Variants in TMEM38A observed in about 807,000 individuals in gnomAD.
TMEM38A encodes transmembrane protein 38A.
In TMEM38A, 17 loss-of-function variants were observed where a neutral mutation model predicts 28.6. The ratio of observed to expected loss-of-function variants is 0.60; its 90% CI spans 0.41 to 0.89. The LOEUF is 0.89. Among genes scored for constraint, TMEM38A ranks in the 40% least tolerant of loss-of-function variants. TMEM38A has a pLI of 0.00. For missense variants in TMEM38A, 328 were observed against 393.1 expected, an observed-to-expected ratio of 0.83 and a Z score of 1.40; for synonymous variants, 169 against 166.1, an observed-to-expected ratio of 1.02 and a Z score of -0.14.
chr19:16,671,627 G>C (rs1193104846), intron 1 of TMEM38A, among the ~76,000 whole-genome samples: 1 of 151,784 alleles, frequency 6.6e-6, no homozygotes, highest in African/African-American at 2.4e-5. Context: ...ATGAGGTTTT[G>C]CCATGTTGCC....
At chr19:16,663,818 G>T (rs1186518046) in intron 1 of TMEM38A, among the ~76,000 whole-genome samples, 1 of 151,822 alleles carries the variant, frequency 6.6e-6, no homozygotes, top group Non-Finnish European at 1.5e-5. Context: ...TTACAGGTGT[G>T]AGCCACTGCG....
chr19:16,667,319 C>A (rs752493771), intron 1 of TMEM38A, among the ~76,000 whole-genome samples: 1 of 151,966 alleles, frequency 6.6e-6, no homozygotes, highest in Non-Finnish European at 1.5e-5. Flanking sequence ...CCAGGCCCCA[C>A]CCAGCTCTGC....
In TMEM38A at chr19:16,682,461, C is replaced by T. The variant is rs781751604; in HGVS notation, c.507C>T (p.Leu169=). The change falls in exon 4 of 6, where the codon CTC becomes CTT. Residue 169 remains leucine (L), a synonymous_variant. Coordinates refer to ENST00000187762, the MANE Select transcript of TMEM38A (RefSeq NM_024074.4). ...TCATGTCCAACTTTGAGCAGCTGCT[C>T]CGAGGGGTCTGGAAGCCAGAGACCA... ...VALMSNFEQL[L]RGVWKPETNE... 3.1e-6 allele frequency: 5 copies of T among 1,613,908 alleles called. No homozygotes were observed. The highest frequency in any genetic ancestry group is 3.3e-5 in the Admixed American group (2 of 59,972).
Position 16,680,057 on chromosome 19 carries a change from C to T in TMEM38A, c.198C>T (p.Tyr66=), listed in dbSNP as rs149327653. Residue 66 remains tyrosine (Y), a synonymous_variant, in exon 2 of 6, where the codon TAC becomes TAT. Transcript: ENST00000187762. ...LCAMLHCFGS[Y]ILADLLLGEP... is the part of the protein sequence containing the mutation. ...CCATGCTGCATTGCTTCGGGAGCTA[C>T]ATCCTGGCTGATCTGCTCCTTGGGG... is the stretch of plus-strand genomic sequence containing the variant. 12 of 1,611,514 alleles carry T rather than the reference C, an allele frequency of 7.4e-6. No individual in the cohort carries two copies. The African/African-American group carries it at 1.1e-4, about 14-fold the overall frequency.
At chr19:16,680,894 C>G in intron 3 of TMEM38A, 1 of 348,512 alleles carries the variant, frequency 2.9e-6, no homozygotes, top group Non-Finnish European at 5.5e-6. Context: ...GTGGGGGCTG[C>G]CTTGTGCACT....
At position 16,680,511 on chromosome 19, in the gene TMEM38A, G is replaced by A. The variant is rs756673980; in HGVS notation, c.396G>A (p.Val132=). ...TGGTGCGAGTCCGCAAGATCGCGGT[G>A]GGCATCCATCACGCCCATCACCACT... ...KEVVRVRKIA[V]GIHHAHHHYH... is the part of the protein sequence containing the mutation. Residue 132 remains valine (V), a synonymous_variant, in exon 3 of 6, where the codon GTG becomes GTA. Transcript: ENST00000187762. The A allele has an allele frequency of 1.7e-5, 28 of 1,614,064 alleles. No homozygotes were observed. The highest frequency in any genetic ancestry group is 2.3e-5 in the Non-Finnish European group (27 of 1,180,046).
At chr19:16,675,533 C>A (rs539713356) in intron 1 of TMEM38A, among the ~76,000 whole-genome samples, 2 of 146,628 alleles carry the variant, frequency 1.4e-5, no homozygotes, top group African/African-American at 2.6e-5. Context: ...CACGCCTGGC[C>A]TCTCTTGACT....
intron 1 of TMEM38A, among the ~76,000 whole-genome samples, chr19:16,676,586 A>G (rs751659496): frequency 6.6e-6 from 1 of 152,076 alleles, no homozygotes; most frequent in Non-Finnish European, 1.5e-5. Context: ...TGGTCATACC[A>G]GGAGACACAA....
intron 4 of TMEM38A, among the ~76,000 whole-genome samples, chr19:16,686,040 G>A (rs145401902): frequency 0.027 from 4,185 of 152,296 alleles, 92 homozygotes; most frequent in Non-Finnish European, 0.042. Flanking sequence ...GCATATGCCT[G>A]TAATCCCAGC....
chr19:16,678,667 A>G (rs2086763615), intron 1 of TMEM38A, among the ~76,000 whole-genome samples: 1 of 140,480 alleles, frequency 7.1e-6, no homozygotes. Flanking sequence ...TTCGAGGCTG[A>G]GGTGGGAGGA....
At chr19:16,675,641 C>T (rs371785712) in intron 1 of TMEM38A, among the ~76,000 whole-genome samples, 13 of 151,544 alleles carry the variant, frequency 8.6e-5, no homozygotes, top group South Asian at 2.1e-4. Context: ...CTCTGCCTCC[C>T]GGGTTGAAGC....
At chr19:16,669,957 T>G (rs934734934) in intron 1 of TMEM38A, among the ~76,000 whole-genome samples, 2 of 151,886 alleles carry the variant, frequency 1.3e-5, no homozygotes, top group Non-Finnish European at 2.9e-5. Context: ...TATTTATTTA[T>G]TTATTTTTAT....
intron 4 of TMEM38A, among the ~76,000 whole-genome samples, chr19:16,683,847 G>C (rs980762264): frequency 6.6e-6 from 1 of 152,128 alleles, no homozygotes; most frequent in Admixed American, 6.6e-5. Flanking sequence ...GTGCATGCCT[G>C]TAATCCCAGC....
At chr19:16,683,100 A>G (rs1456480361) in intron 4 of TMEM38A, among the ~76,000 whole-genome samples, 1 of 152,050 alleles carries the variant, frequency 6.6e-6, no homozygotes, top group African/African-American at 2.4e-5. Flanking sequence ...CAGCCTCCTG[A>G]GTACCTGGGA....
chr19:16,675,569 G>T (rs1457329281), intron 1 of TMEM38A, among the ~76,000 whole-genome samples: 1 of 126,670 alleles, frequency 7.9e-6, no homozygotes, highest in African/African-American at 3.2e-5. Context: ...TTTTTTTAGA[G>T]ACAGAGTCTC....
intron 1 of TMEM38A, among the ~76,000 whole-genome samples, chr19:16,665,396 G>A (rs1052324130): frequency 5.9e-5 from 9 of 152,030 alleles, no homozygotes; most frequent in Admixed American, 3.3e-4. Context: ...AGCTGAGGTC[G>A]GAGGATTACC....
At chr19:16,687,660 C>A (rs2431807) in intron 5 of TMEM38A, among the ~76,000 whole-genome samples, 108,370 of 152,034 alleles carry the variant, frequency 0.71, 42,624 homozygotes, top group East Asian at 0.91. Context: ...TGTGTCCTCG[C>A]ATGGTGGAAG....
rs1274032720 is a variant in TMEM38A, at chr19:16,680,423, A to G, written c.308A>G (p.Asp103Gly). Residue 103 changes from aspartate (D) to glycine (G), a missense_variant, in exon 3 of 6, where the codon GAC (aspartate) becomes GGC (glycine). Asp to Gly is a moderately conservative substitution (Grantham distance 94). Transcript: ENST00000187762. Reference protein sequence around the residue: ...VWYLIFFCPLDLFYKCVCFLP... With the variant: ...VWYLIFFCPLGLFYKCVCFLP... ...TACTTGATTTTCTTCTGCCCCCTGGACCTCTTCTACAAGTGTGTCTGCTTC... is the reference window on the plus strand; with the variant it reads ...TACTTGATTTTCTTCTGCCCCCTGGGCCTCTTCTACAAGTGTGTCTGCTTC... 1.2e-6 allele frequency: 2 copies of G among 1,613,880 alleles called. No individual in the cohort carries two copies. The highest frequency in any genetic ancestry group is 1.7e-6 in the Non-Finnish European group (2 of 1,179,974).
At chr19:16,666,952 C>CAA (rs34700803) in intron 1 of TMEM38A, among the ~76,000 whole-genome samples, 3,514 of 122,788 alleles carry the variant, frequency 0.029, 120 homozygotes, top group Admixed American at 0.092. Context: ...AACTCCATCT[C>CAA]AAAAAAAAAA....
Sources: allele counts gnomAD v4.1 joint callset (sites outside exome capture counted in the v4.1 genomes callset), GRCh38; gene constraint gnomAD v4.1.1; transcripts MANE v1.5; gene names NCBI Gene and HGNC (gene_info 2026-07-23, HGNC 2026-07-21).